ADGRG2: variants seen among roughly 807,000 people sequenced by gnomAD.
ADGRG2 encodes G protein-coupled receptor 64.
Under a neutral mutation model 74.1 loss-of-function variants are expected in ADGRG2, and 26 were observed. That is an observed-to-expected ratio of 0.35 (90% CI 0.26 to 0.49). The LOEUF (loss-of-function observed/expected upper bound fraction) is 0.49, where lower values mean the gene tolerates loss of function less well. ADGRG2 is among the 20% of genes least tolerant of loss of function. The pLI, the probability that ADGRG2 is intolerant of heterozygous loss-of-function variation, is 0.99. For synonymous variants in ADGRG2, 296 were observed against 295.2 expected, an observed-to-expected ratio of 1.00 and a Z score of -0.03; for missense variants, 619 against 763.1, an observed-to-expected ratio of 0.81 and a Z score of 2.22.
At chrX:18,998,774 G>A (rs144697453) in intron 26 of ADGRG2, among the ~76,000 whole-genome samples, 28 of 110,779 alleles carry the variant, frequency 2.5e-4, no homozygotes, top group African/African-American at 9.2e-4. Context: ...TAGACATCAT[G>A]CAATTGCACA....
At chrX:19,072,380 T>A (rs2061669165) in intron 2 of ADGRG2, among the ~76,000 whole-genome samples, 1 of 111,543 alleles carries the variant, frequency 9.0e-6, no homozygotes, top group African/African-American at 3.3e-5. Context: ...TTTGTCTCCT[T>A]GTAAGTAAAA....
chrX:19,034,385 A>G (rs2060890255), intron 7 of ADGRG2: 1 of 111,941 alleles, frequency 8.9e-6, no homozygotes, highest in African/African-American at 3.2e-5. Flanking sequence ...AAAATGGCCA[A>G]TGGAAAGAGG....
chrX:19,108,389 A>T (rs1364572693), intron 1 of ADGRG2, among the ~76,000 whole-genome samples: 1 of 111,941 alleles, frequency 8.9e-6, no homozygotes, highest in African/African-American at 3.2e-5. Context: ...GTAACCATAA[A>T]AACTATTAAT....
chrX:19,002,791 C>A, intron 24 of ADGRG2, 55 bp downstream of exon 24: 1 of 1,115,252 alleles, frequency 9.0e-7, no homozygotes, highest in Non-Finnish European at 1.2e-6. Context: ...AAAATCAAAA[C>A]ACTAGAGAAA....
chrX:19,115,426 C>T (rs981282132), intron 1 of ADGRG2, among the ~76,000 whole-genome samples: 1 of 111,562 alleles, frequency 9.0e-6, no homozygotes, highest in African/African-American at 3.3e-5. Context: ...ATAAAGAAAA[C>T]AAAAGTGGGA....
chrX:19,048,866 C>T (rs988209311), intron 3 of ADGRG2, among the ~76,000 whole-genome samples: 2 of 112,384 alleles, frequency 1.8e-5, no homozygotes, highest in Non-Finnish European at 3.8e-5. Flanking sequence ...AGTCTGACGA[C>T]ATGTAAATGC....
chrX:19,041,103 A>G (rs1307077779), intron 3 of ADGRG2, among the ~76,000 whole-genome samples: 2 of 111,752 alleles, frequency 1.8e-5, no homozygotes, highest in African/African-American at 6.5e-5. Context: ...ATGACAATAT[A>G]TCATGAACGT....
chrX:19,113,529 T>C (rs183562355), intron 1 of ADGRG2, among the ~76,000 whole-genome samples: 195 of 112,073 alleles, frequency 1.7e-3, no homozygotes, highest in African/African-American at 6.1e-3. Context: ...GCTGTGATTA[T>C]TTGAGAGAAT....
At chrX:19,006,349 A>C in intron 20 of ADGRG2, 84 bp from the exon 21 acceptor site, 1 of 678,681 alleles carries the variant, frequency 1.5e-6, no homozygotes, top group Non-Finnish European at 2.3e-6. Flanking sequence ...TTGAAAAGAA[A>C]AAAAACTGTG....
At chrX:19,022,536 G>A (rs1297851505) in intron 13 of ADGRG2, among the ~76,000 whole-genome samples, 2 of 111,372 alleles carry the variant, frequency 1.8e-5, no homozygotes, top group Admixed American at 1.9e-4. Context: ...TCGGGGTTCA[G>A]ATACTGAGTG....
At chrX:19,080,548 G>T (rs181040856) in intron 2 of ADGRG2, among the ~76,000 whole-genome samples, 1 of 111,656 alleles carries the variant, frequency 9.0e-6, no homozygotes, top group East Asian at 2.8e-4. Context: ...TGGAAGTAAT[G>T]CTAAGACCTA....
intron 15 of ADGRG2, among the ~76,000 whole-genome samples, chrX:19,014,628 GA>G (rs1294544174): frequency 9.0e-6 from 1 of 111,130 alleles, no homozygotes; most frequent in Non-Finnish European, 1.9e-5. Flanking sequence ...CTGTGCATGA[GA>G]ACTACCCAGA....
intron 1 of ADGRG2, among the ~76,000 whole-genome samples, chrX:19,098,522 A>G (rs2062135233): frequency 8.9e-6 from 1 of 112,175 alleles, no homozygotes; most frequent in African/African-American, 3.2e-5. Context: ...ATAAAAATAA[A>G]TATTCTCACA....
chrX:19,053,504 A>C (rs2061359855), intron 3 of ADGRG2, among the ~76,000 whole-genome samples: 1 of 111,650 alleles, frequency 9.0e-6, no homozygotes, highest in Non-Finnish European at 1.9e-5. Flanking sequence ...CCTAGACTCC[A>C]AAGACCAGGA....
intron 2 of ADGRG2, among the ~76,000 whole-genome samples, chrX:19,072,122 C>G (rs775175846): frequency 5.5e-5 from 6 of 110,020 alleles, no homozygotes; most frequent in Admixed American, 2.0e-4. Flanking sequence ...TGAATGTGGC[C>G]CAATACAAAT....
At chrX:19,045,863 G>A (rs759268641) in intron 3 of ADGRG2, among the ~76,000 whole-genome samples, 20 of 111,124 alleles carry the variant, frequency 1.8e-4, no homozygotes, top group Non-Finnish European at 3.2e-4. Context: ...TCTACATAGT[G>A]GGAATCATGC....
chrX:19,024,485 G>A lies in ADGRG2; in HGVS notation c.471-537C>T, dbSNP rs749306719. Among the ~76,000 whole-genome samples, 9 of 112,286 alleles carry A rather than the reference G, an allele frequency of 8.0e-5. No homozygotes were observed. In the South Asian group the frequency reaches 3.0e-3, roughly 37 times the overall value. On this transcript the variant is annotated intron_variant, in intron 11 of 28. Transcript: ENST00000379869. ...GCTTTCATTTCTTCAAAGTGGCAGA[G>A]CTTCACATGAAGTTGGGATGAGAGG...
chrX:19,045,297 A>G (rs775086735), intron 3 of ADGRG2, among the ~76,000 whole-genome samples: 2 of 98,639 alleles, frequency 2.0e-5, no homozygotes, highest in African/African-American at 3.9e-5. Context: ...GGGTGTTGTT[A>G]TTATTATTAT....
At chrX:19,015,733 A>AAACG in intron 15 of ADGRG2, among the ~76,000 whole-genome samples, 1 of 111,410 alleles carries the variant, frequency 9.0e-6, no homozygotes, top group East Asian at 2.8e-4. Context: ...ACAAACAAAC[A>AAACG]AACGAACAAA....
Sources: gnomAD v4.1 joint callset for allele counts (sites outside exome capture counted in the v4.1 genomes callset) on GRCh38, gnomAD v4.1.1 for gene constraint, MANE v1.5 for transcripts, NCBI Gene and HGNC (gene_info 2026-07-23, HGNC 2026-07-21) for gene names.